Variants in GSE1 observed in about 807,000 individuals in gnomAD.
GSE1 encodes Gse1 coiled-coil protein.
GSE1 carries 32 observed loss-of-function variants against 112.6 expected under a neutral mutation model. That is an observed-to-expected ratio of 0.28 (90% CI 0.21 to 0.38). The LOEUF is 0.38. Among genes scored for constraint, GSE1 ranks in the 10% least tolerant of loss-of-function variants. The pLI is 1.00. For synonymous variants in GSE1, 1,115 were observed against 735.6 expected, an observed-to-expected ratio of 1.52 and a Z score of -8.35; for missense variants, 2,348 against 1,699.2, an observed-to-expected ratio of 1.38 and a Z score of -6.71.
At chr16:85,351,185 C>G (rs1406996457) in intron 1 of GSE1, among the ~76,000 whole-genome samples, 1 of 152,174 alleles carries the variant, frequency 6.6e-6, no homozygotes, top group African/African-American at 2.4e-5. Flanking sequence ...TGGAATCTGG[C>G]TGGATGCCCA....
chr16:85,365,744 ACTCT>A (rs923669408), intron 2 of GSE1, among the ~76,000 whole-genome samples: 1 of 151,898 alleles, frequency 6.6e-6, no homozygotes, highest in African/African-American at 2.4e-5. Context: ...CTTCATTTCC[ACTCT>A]CTCTCTTCTA....
chr16:85,492,022 G>C (rs1208835934), intron 2 of GSE1, among the ~76,000 whole-genome samples: 1 of 152,152 alleles, frequency 6.6e-6, no homozygotes, highest in Non-Finnish European at 1.5e-5. Context: ...CACCACCGAG[G>C]TGCTGGGAAG....
rs529750798 is a variant in GSE1 at position 85,192,150 on chromosome 16, C to G, written c.2283+20343C>G. On this transcript the variant is annotated intron_variant, in intron 1 of 2. Transcript: ENST00000637419. ...GTGCAGGGTGCACACATAGGCAGTA[C>G]TGTGGGTGGGACCATGCTGTACATT... Among the ~76,000 whole-genome samples the G allele has an allele frequency of 4.9e-4, 75 of 152,358 alleles. 1 individual carries two copies. Among genetic ancestry groups the G allele is most frequent in the African/African-American group, 1.0e-3 (43 of 41,574 alleles).
At chr16:85,381,098 G>A (rs527627249) in intron 2 of GSE1, among the ~76,000 whole-genome samples, 5 of 152,270 alleles carry the variant, frequency 3.3e-5, no homozygotes, top group Admixed American at 6.5e-5. Flanking sequence ...TAGCTCTGCC[G>A]TTCCTCACTC....
chr16:85,318,942 G>A (rs1259550746), intron 1 of GSE1, among the ~76,000 whole-genome samples: 2 of 152,210 alleles, frequency 1.3e-5, no homozygotes, highest in Admixed American at 6.5e-5. Context: ...TGTTTAAGGC[G>A]GAGTCCTGAA....
chr16:85,571,021 G>T (rs1376151157), intron 1 of GSE1, among the ~76,000 whole-genome samples: 4 of 152,214 alleles, frequency 2.6e-5, no homozygotes, highest in African/African-American at 9.6e-5. Context: ...AAGGGAAGGT[G>T]GGGGAGGTGT....
intron 1 of GSE1, among the ~76,000 whole-genome samples, chr16:85,599,913 A>T (rs1446269957): frequency 6.6e-6 from 1 of 152,146 alleles, no homozygotes; most frequent in African/African-American, 2.4e-5. Context: ...TGAGGCTGTC[A>T]CCCCAGTCAT....
chr16:85,615,427 G>A (rs950539520), intron 1 of GSE1, among the ~76,000 whole-genome samples: 4 of 152,190 alleles, frequency 2.6e-5, no homozygotes, highest in Admixed American at 1.3e-4. Flanking sequence ...GTGCGAGGAT[G>A]GCTTTTGTCA....
rs1246151208 is a variant in GSE1, at chr16:85,673,371, T to C, written c.*832T>C. 6.6e-6 allele frequency: 1 copy of C among 152,460 alleles called. No homozygotes were observed. The highest frequency in any genetic ancestry group is 6.5e-5 in the Admixed American group (1 of 15,276). The allele number at this position is 152,460 out of a possible 1,614,324, so 9.4% of individuals were successfully genotyped here. A position where few individuals can be genotyped will look rare whatever the true frequency, so the allele number is the denominator to read the frequency against. On this transcript the variant is annotated 3_prime_UTR_variant, in exon 16 of 16. Coordinates refer to ENST00000253458, the MANE Select transcript of GSE1 (RefSeq NM_014615.5). ...ACAAAGTTTTGTATGTTTTTATTAC[T>C]TTAACTATTGTTATAAAAAGCCTGC...
chr16:85,257,053 T>G (rs141955952), intron 1 of GSE1, among the ~76,000 whole-genome samples: 3 of 151,806 alleles, frequency 2.0e-5, no homozygotes, highest in African/African-American at 4.8e-5. Flanking sequence ...CATAGGGAGG[T>G]TGAAGAGATG....
At chr16:85,508,196 G>A (rs2051606386) in intron 2 of GSE1, among the ~76,000 whole-genome samples, 4 of 152,160 alleles carry the variant, frequency 2.6e-5, no homozygotes, top group Admixed American at 2.6e-4. Context: ...ACCACGCCCA[G>A]CTAATTTTTG....
intron 1 of GSE1, among the ~76,000 whole-genome samples, chr16:85,235,428 CTGTGTGTGTGTGTGTGTGTG>C (rs60860144): frequency 4.7e-4 from 60 of 126,396 alleles, no homozygotes; most frequent in African/African-American, 1.5e-3. Flanking sequence ...TGGAAGGGTA[CTGTGTGTGTGTGTGTGTGTG>C]TGTGTGTGTG....
chr16:85,402,070 C>T (rs1304874119), intron 2 of GSE1, among the ~76,000 whole-genome samples: 5 of 152,208 alleles, frequency 3.3e-5, no homozygotes, highest in South Asian at 2.1e-4. Context: ...CCTCACAAGT[C>T]GTTCTGTTCC....
intron 1 of GSE1, among the ~76,000 whole-genome samples, chr16:85,246,592 C>T (rs1376577446): frequency 4.6e-5 from 7 of 150,764 alleles, no homozygotes; most frequent in East Asian, 2.0e-4. Context: ...TAATTATCCC[C>T]GGCCCTGGAG....
intron 2 of GSE1, among the ~76,000 whole-genome samples, chr16:85,508,824 G>T (rs1399420364): frequency 6.6e-6 from 1 of 152,236 alleles, no homozygotes; most frequent in African/African-American, 2.4e-5. Context: ...CCAGGAGAAA[G>T]GTTCGTAACT....
chr16:85,636,295 A>G (rs757424035), intron 2 of GSE1, among the ~76,000 whole-genome samples: 3 of 152,106 alleles, frequency 2.0e-5, no homozygotes, highest in Admixed American at 6.5e-5. Context: ...CTCACCCCCT[A>G]TTGAGCTGGG....
intron 2 of GSE1, among the ~76,000 whole-genome samples, chr16:85,361,365 A>G (rs72811734): frequency 0.13 from 15,474 of 122,728 alleles, 1,025 homozygotes; most frequent in Non-Finnish European, 0.15. Flanking sequence ...AGACACACAG[A>G]GACAGGCACA....
At chr16:85,376,189 C>G (rs2047416745) in intron 2 of GSE1, among the ~76,000 whole-genome samples, 2 of 152,210 alleles carry the variant, frequency 1.3e-5, no homozygotes, top group Admixed American at 6.5e-5. Context: ...TCTGCCTCCC[C>G]TGGCAAGCAG....
chr16:85,355,283 C>G (rs1356395493), intron 1 of GSE1, among the ~76,000 whole-genome samples: 1 of 152,110 alleles, frequency 6.6e-6, no homozygotes, highest in Non-Finnish European at 1.5e-5. Context: ...CCCTGCTGTC[C>G]CTGGAGCTCA....
Sources: allele counts gnomAD v4.1 joint callset (sites outside exome capture counted in the v4.1 genomes callset), GRCh38; gene constraint gnomAD v4.1.1; transcripts MANE v1.5; gene names NCBI Gene and HGNC (gene_info 2026-07-23, HGNC 2026-07-21).